Variants in RGS6 observed in about 807,000 individuals in gnomAD.
The protein encoded by RGS6 is regulator of G-protein signaling 6.
RGS6 carries 30 observed loss-of-function variants against 78.5 expected under a neutral mutation model. The observed-to-expected ratio is 0.38, with a 90% CI of 0.29 to 0.52. The LOEUF (loss-of-function observed/expected upper bound fraction) is 0.52, where lower values mean the gene tolerates loss of function less well. Ranked by LOEUF, RGS6 falls within the 20% of genes least tolerant of loss-of-function variation. The pLI is 0.85. For missense variants in RGS6, 495 were observed against 609.7 expected, an observed-to-expected ratio of 0.81 and a Z score of 1.98; for synonymous variants, 206 against 206.0, an observed-to-expected ratio of 1.00 and a Z score of 0.00.
At chr14:72,260,981 G>T (rs1437092920) in intron 2 of RGS6, among the ~76,000 whole-genome samples, 1 of 152,174 alleles carries the variant, frequency 6.6e-6, no homozygotes, top group Non-Finnish European at 1.5e-5. Context: ...TCCAGAGGTG[G>T]CCTTTTGGGT....
At chr14:72,188,973 C>T (rs968995257) in intron 2 of RGS6, among the ~76,000 whole-genome samples, 3 of 152,138 alleles carry the variant, frequency 2.0e-5, no homozygotes, top group South Asian at 2.1e-4. Flanking sequence ...TTCAATAGAA[C>T]GAGGTGCTCG....
At chr14:72,031,818 G>A (rs1281981033) in intron 2 of RGS6, among the ~76,000 whole-genome samples, 2 of 152,204 alleles carry the variant, frequency 1.3e-5, no homozygotes, top group African/African-American at 2.4e-5. Flanking sequence ...CAGCCTAATT[G>A]ACTACTCCAG....
chr14:72,292,888 G>A (rs2152338690), intron 2 of RGS6, among the ~76,000 whole-genome samples: 1 of 152,308 alleles, frequency 6.6e-6, no homozygotes, highest in South Asian at 2.1e-4. Context: ...GACATGGGCT[G>A]ATGGATTAAG....
At chr14:72,374,978 T>C (rs1256718967) in intron 3 of RGS6, among the ~76,000 whole-genome samples, 1 of 152,130 alleles carries the variant, frequency 6.6e-6, no homozygotes, top group Non-Finnish European at 1.5e-5. Flanking sequence ...AGAGACTTAA[T>C]AGAAACATTA....
At chr14:72,593,879 C>T in the RGS6 span, among the ~76,000 whole-genome samples, 1 of 139,296 alleles carries the variant, frequency 7.2e-6, no homozygotes, top group Non-Finnish European at 1.5e-5. Flanking sequence ...CCAGGTGATA[C>T]TTTTCAACAG....
chr14:72,347,180 A>T (rs1419569137), intron 2 of RGS6, among the ~76,000 whole-genome samples: 2 of 152,214 alleles, frequency 1.3e-5, no homozygotes, highest in East Asian at 3.8e-4. Flanking sequence ...ATGTCAGGGA[A>T]TTGATTTTGC....
chr14:72,460,926 T>C (rs2095761712), intron 6 of RGS6, among the ~76,000 whole-genome samples: 1 of 151,886 alleles, frequency 6.6e-6, no homozygotes, highest in Admixed American at 6.6e-5. Flanking sequence ...ACAAGCGAGT[T>C]GTACCTACTA....
chr14:72,035,377 A>G (rs113929072), intron 2 of RGS6, among the ~76,000 whole-genome samples: 12 of 125,686 alleles, frequency 9.5e-5, no homozygotes, highest in South Asian at 5.2e-4. Context: ...TGAATCCTCT[A>G]TATTTAGTCT....
chr14:72,117,152 C>T (rs990573746), intron 2 of RGS6, among the ~76,000 whole-genome samples: 1 of 151,984 alleles, frequency 6.6e-6, no homozygotes, highest in Non-Finnish European at 1.5e-5. Context: ...TGGAGGGGAA[C>T]AAATGTGGCA....
chr14:71,920,775 G>A, the RGS6 span, among the ~76,000 whole-genome samples: 1 of 152,168 alleles, frequency 6.6e-6, no homozygotes, highest in Non-Finnish European at 1.5e-5. Context: ...CTAGAATGCA[G>A]GTTAAATACA....
At chr14:72,388,306 C>G (rs2088900757) in intron 3 of RGS6, among the ~76,000 whole-genome samples, 3 of 152,084 alleles carry the variant, frequency 2.0e-5, no homozygotes, top group Admixed American at 2.0e-4. Context: ...ATATTTCAAA[C>G]AAGGCAGAGA....
chr14:71,975,793 T>C (rs1024251173), intron 2 of RGS6, among the ~76,000 whole-genome samples: 2 of 152,188 alleles, frequency 1.3e-5, no homozygotes, highest in Admixed American at 6.5e-5. Flanking sequence ...TTTTCAAATA[T>C]TGTTTATGCC....
the RGS6 span, among the ~76,000 whole-genome samples, chr14:71,926,585 G>GAAAAAAAAAAAAA: frequency 5.8e-3 from 299 of 51,124 alleles, 4 homozygotes; most frequent in African/African-American, 9.0e-3. Flanking sequence ...CTCTGTCTCA[G>GAAAAAAAAAAAAA]AAAAAAAAAA....
chr14:72,557,617 C>T (rs887072151), intron 17 of RGS6, among the ~76,000 whole-genome samples: 1 of 152,164 alleles, frequency 6.6e-6, no homozygotes, highest in African/African-American at 2.4e-5. Context: ...AACTTGAGCA[C>T]CATCTATTCA....
At chr14:72,388,452 G>A (rs970900141) in intron 3 of RGS6, among the ~76,000 whole-genome samples, 7 of 152,156 alleles carry the variant, frequency 4.6e-5, no homozygotes, top group African/African-American at 1.7e-4. Context: ...ATACACAGCT[G>A]TGCAAGAGTT....
intron 12 of RGS6, among the ~76,000 whole-genome samples, chr14:72,493,925 G>A (rs772775427): frequency 1.3e-5 from 2 of 152,194 alleles, no homozygotes; most frequent in Admixed American, 6.5e-5. Flanking sequence ...ACTACTAAAG[G>A]ATGTGCTTCA....
intron 2 of RGS6, among the ~76,000 whole-genome samples, chr14:72,175,425 G>C (rs1019232894): frequency 2.6e-5 from 4 of 152,174 alleles, no homozygotes; most frequent in African/African-American, 9.7e-5. Context: ...GCATGGTTGT[G>C]ACCTATCTAT....
intron 2 of RGS6, among the ~76,000 whole-genome samples, chr14:72,262,724 T>C (rs2058379824): frequency 6.6e-6 from 1 of 152,214 alleles, no homozygotes; most frequent in Non-Finnish European, 1.5e-5. Flanking sequence ...CCTGTGAAAT[T>C]TTCTTTTCCA....
chr14:71,905,397 C>T, the RGS6 span, among the ~76,000 whole-genome samples: 1 of 152,150 alleles, frequency 6.6e-6, no homozygotes, highest in African/African-American at 2.4e-5. Flanking sequence ...TTGAAAGGGA[C>T]ATAGAATTAC....
Sources: gnomAD v4.1 joint callset for allele counts (sites outside exome capture counted in the v4.1 genomes callset) on GRCh38, gnomAD v4.1.1 for gene constraint, MANE v1.5 for transcripts, NCBI Gene and HGNC (gene_info 2026-07-23, HGNC 2026-07-21) for gene names.